NRG3: variants seen among roughly 807,000 people sequenced by gnomAD.
The protein encoded by NRG3 is neuregulin 3, also known as pro-neuregulin-3, membrane-bound isoform.
A neutral mutation model predicts 66.9 loss-of-function variants in NRG3; 31 were observed. That is an observed-to-expected ratio of 0.46 (90% CI 0.35 to 0.63). NRG3 has a LOEUF of 0.63. Among genes scored for constraint, NRG3 ranks in the 20% least tolerant of loss-of-function variants. The pLI is 0.00. For synonymous variants in NRG3, 393 were observed against 359.4 expected (o/e 1.09, Z -1.06); for missense variants, 910 against 878.9 (o/e 1.04, Z -0.45).
At chr10:82,750,025 CA>C (rs2058800096) in intron 3 of NRG3, among the ~76,000 whole-genome samples, 1 of 152,202 alleles carries the variant, frequency 6.6e-6, no homozygotes, top group East Asian at 1.9e-4. Flanking sequence ...CCACTTTCTG[CA>C]AAATTCAGAG....
At chr10:82,384,166 T>C (rs2085818867) in intron 2 of NRG3, among the ~76,000 whole-genome samples, 2 of 152,144 alleles carry the variant, frequency 1.3e-5, no homozygotes, top group Non-Finnish European at 1.5e-5. Flanking sequence ...CACATTTGAG[T>C]CATCTGATTT....
chr10:82,254,340 T>C (rs1235590824), intron 1 of NRG3, among the ~76,000 whole-genome samples: 1 of 152,170 alleles, frequency 6.6e-6, no homozygotes, highest in Non-Finnish European at 1.5e-5. Context: ...TCCCAGAACC[T>C]AATTTCCTGA....
At chr10:82,332,108 C>T (rs183965833) in intron 1 of NRG3, among the ~76,000 whole-genome samples, 28 of 152,286 alleles carry the variant, frequency 1.8e-4, no homozygotes, top group African/African-American at 6.5e-4. Flanking sequence ...CATAAAGATG[C>T]CTTGAGTACC....
intron 1 of NRG3, among the ~76,000 whole-genome samples, chr10:81,973,708 T>C (rs1298596906): frequency 3.3e-5 from 5 of 152,218 alleles, no homozygotes; most frequent in African/African-American, 9.6e-5. Flanking sequence ...ATATGTCTTC[T>C]TTTGAAAAAT....
At chr10:81,885,727 A>G (rs1413315476) in intron 1 of NRG3, among the ~76,000 whole-genome samples, 3 of 152,176 alleles carry the variant, frequency 2.0e-5, no homozygotes, top group Non-Finnish European at 2.9e-5. Flanking sequence ...GTAGTGTCAG[A>G]AAGATTGTAT....
chr10:82,899,058 C>T (rs1223256299), intron 4 of NRG3, among the ~76,000 whole-genome samples: 1 of 151,966 alleles, frequency 6.6e-6, no homozygotes, highest in African/African-American at 2.4e-5. Flanking sequence ...TGGCAGGTGA[C>T]CAAATTGTTT....
intron 2 of NRG3, among the ~76,000 whole-genome samples, chr10:82,698,406 AG>A (rs1685532565): frequency 6.6e-6 from 1 of 152,180 alleles, no homozygotes; most frequent in Middle Eastern, 3.2e-3. Flanking sequence ...CAGGGGAAAA[AG>A]TCTACTCATT....
At chr10:81,938,629 G>A (rs1848116911) in intron 1 of NRG3, among the ~76,000 whole-genome samples, 1 of 150,988 alleles carries the variant, frequency 6.6e-6, no homozygotes, top group South Asian at 2.1e-4. Context: ...GTGTGTGTGT[G>A]TGTGTGTGTG....
intron 2 of NRG3, among the ~76,000 whole-genome samples, chr10:82,520,274 G>A (rs944405446): frequency 6.6e-6 from 1 of 151,078 alleles, no homozygotes; most frequent in Non-Finnish European, 1.5e-5. Context: ...ATTAATACAT[G>A]GATATGGTTG....
chr10:81,983,663 G>A (rs1240779549), intron 1 of NRG3, among the ~76,000 whole-genome samples: 1 of 152,108 alleles, frequency 6.6e-6, no homozygotes, highest in Non-Finnish European at 1.5e-5. Flanking sequence ...TTCACCAAGG[G>A]TATCATAATC....
At chr10:82,250,334 A>G (rs748944692) in intron 1 of NRG3, among the ~76,000 whole-genome samples, 47 of 152,080 alleles carry the variant, frequency 3.1e-4, no homozygotes, top group Non-Finnish European at 6.5e-4. Flanking sequence ...AATAAGATGT[A>G]TACACTTTGG....
At chr10:82,523,493 A>G (rs1846399395) in intron 2 of NRG3, among the ~76,000 whole-genome samples, 1 of 152,030 alleles carries the variant, frequency 6.6e-6, no homozygotes, top group Admixed American at 6.6e-5. Context: ...GCATATTTTA[A>G]TGTCCTTACC....
chr10:82,150,769 A>G (rs937916807), intron 1 of NRG3, among the ~76,000 whole-genome samples: 1 of 152,116 alleles, frequency 6.6e-6, no homozygotes, highest in African/African-American at 2.4e-5. Flanking sequence ...TGCCTGTCAC[A>G]ATTTCCAGTC....
chr10:82,680,149 C>A (rs2054009104), intron 2 of NRG3, among the ~76,000 whole-genome samples: 1 of 152,100 alleles, frequency 6.6e-6, no homozygotes, highest in Admixed American at 6.5e-5. Flanking sequence ...GTTAATACCA[C>A]CCTATGAAAT....
At chr10:82,354,479 C>G (rs1323856278) in intron 1 of NRG3, among the ~76,000 whole-genome samples, 10 of 151,888 alleles carry the variant, frequency 6.6e-5, no homozygotes, top group Non-Finnish European at 1.3e-4. Context: ...CAACCTCCAC[C>G]TCATGGGTTC....
intron 3 of NRG3, among the ~76,000 whole-genome samples, chr10:82,834,183 C>T (rs2062665954): frequency 6.6e-6 from 1 of 152,114 alleles, no homozygotes; most frequent in Admixed American, 6.6e-5. Context: ...CAGGCTGTGC[C>T]TTCTTTGCTC....
intron 3 of NRG3, among the ~76,000 whole-genome samples, chr10:82,864,035 G>T (rs1326897057): frequency 6.6e-6 from 1 of 151,992 alleles, no homozygotes; most frequent in Non-Finnish European, 1.5e-5. Flanking sequence ...AAATGTGAAC[G>T]GTTCATAAGG....
At chr10:82,272,596 T>C (rs1351924242) in intron 1 of NRG3, among the ~76,000 whole-genome samples, 2 of 152,104 alleles carry the variant, frequency 1.3e-5, no homozygotes, top group Admixed American at 1.3e-4. Context: ...TTTTCTCCCA[T>C]TGAAAAAGCA....
At chr10:82,871,985 T>A (rs1023708113) in intron 4 of NRG3, among the ~76,000 whole-genome samples, 14 of 152,098 alleles carry the variant, frequency 9.2e-5, no homozygotes, top group Non-Finnish European at 1.8e-4. Flanking sequence ...TTTGCCTCGT[T>A]CATAATCTTA....
Sources: gnomAD v4.1 joint callset for allele counts (sites outside exome capture counted in the v4.1 genomes callset) on GRCh38, gnomAD v4.1.1 for gene constraint, MANE v1.5 for transcripts, NCBI Gene and HGNC (gene_info 2026-07-23, HGNC 2026-07-21) for gene names.